DOCK3: variants seen among roughly 807,000 people sequenced by gnomAD.
The protein encoded by DOCK3 is dedicator of cytokinesis protein 3.
DOCK3 carries 60 observed loss-of-function variants against 265.6 expected under a neutral mutation model. That is an observed-to-expected ratio of 0.23 (90% CI 0.18 to 0.28). DOCK3 has a LOEUF of 0.28. Ranked by LOEUF, DOCK3 falls within the 10% of genes least tolerant of loss-of-function variation. The probability of loss-of-function intolerance (pLI) is 1.00; values close to 1 mark genes in which losing one functional copy is unlikely to be tolerated. For synonymous variants in DOCK3, 881 were observed against 938.0 expected, an observed-to-expected ratio of 0.94 and a Z score of 1.11; for missense variants, 1,981 against 2,594.3, an observed-to-expected ratio of 0.76 and a Z score of 5.14.
At chr3:50,677,592 G>A (rs2034071805) in intron 1 of DOCK3, among the ~76,000 whole-genome samples, 1 of 152,142 alleles carries the variant, frequency 6.6e-6, no homozygotes, top group South Asian at 2.1e-4. Flanking sequence ...TAATCACATA[G>A]CAAGGAGGGA....
At chr3:50,700,365 G>T (rs960355908) in intron 1 of DOCK3, among the ~76,000 whole-genome samples, 2 of 152,206 alleles carry the variant, frequency 1.3e-5, no homozygotes, top group Non-Finnish European at 2.9e-5. Flanking sequence ...CAACTGTCCA[G>T]TGCTAGAACT....
At chr3:51,175,584 G>T (rs759463528) in intron 12 of DOCK3, among the ~76,000 whole-genome samples, 2 of 152,146 alleles carry the variant, frequency 1.3e-5, no homozygotes, top group Non-Finnish European at 2.9e-5. Flanking sequence ...GCCTCCAGAG[G>T]TATAGACAGA....
intron 35 of DOCK3, among the ~76,000 whole-genome samples, chr3:51,333,926 G>A (rs1172091281): frequency 1.3e-5 from 2 of 151,198 alleles, no homozygotes; most frequent in East Asian, 1.9e-4. Context: ...CTGCAGCCTC[G>A]AAGTCCTAGG....
intron 5 of DOCK3, among the ~76,000 whole-genome samples, chr3:50,950,196 A>G (rs568087571): frequency 9.9e-5 from 15 of 152,206 alleles, no homozygotes; most frequent in Non-Finnish European, 2.1e-4. Flanking sequence ...TAAACATATT[A>G]TAAGTACCCA....
intron 5 of DOCK3, among the ~76,000 whole-genome samples, chr3:51,024,974 T>G (rs1176331012): frequency 6.6e-6 from 1 of 152,138 alleles, no homozygotes; most frequent in Non-Finnish European, 1.5e-5. Context: ...TTATTCTATC[T>G]AGAGATGGTG....
At chr3:50,742,996 G>T (rs1009395789) in intron 1 of DOCK3, among the ~76,000 whole-genome samples, 6 of 152,130 alleles carry the variant, frequency 3.9e-5, no homozygotes, top group East Asian at 1.9e-4. Flanking sequence ...CGGATCTCTC[G>T]GCAGAAACTC....
intron 10 of DOCK3, among the ~76,000 whole-genome samples, chr3:51,152,197 CT>C (rs997614046): frequency 3.3e-5 from 5 of 151,220 alleles, no homozygotes; most frequent in Admixed American, 6.6e-5. Context: ...TTTATTTTTA[CT>C]TTTTTTTTCT....
chr3:51,285,919 T>G (rs1324274098), intron 27 of DOCK3, among the ~76,000 whole-genome samples: 3 of 152,036 alleles, frequency 2.0e-5, no homozygotes, highest in Non-Finnish European at 2.9e-5. Flanking sequence ...CAGGCAACAG[T>G]GCATGACTCC....
intron 4 of DOCK3, among the ~76,000 whole-genome samples, chr3:50,907,097 T>C (rs562055458): frequency 6.6e-6 from 1 of 152,216 alleles, no homozygotes; most frequent in South Asian, 2.1e-4. Context: ...GAGTTCTAGT[T>C]TGATTGCACT....
chr3:51,198,867 A>G (rs2088498076), intron 12 of DOCK3, among the ~76,000 whole-genome samples: 3 of 152,120 alleles, frequency 2.0e-5, no homozygotes, highest in African/African-American at 7.2e-5. Context: ...TGTCTGTACT[A>G]AAAATACAAA....
At chr3:51,281,281 A>G (rs2081100939) in intron 27 of DOCK3, among the ~76,000 whole-genome samples, 2 of 118,736 alleles carry the variant, frequency 1.7e-5, no homozygotes, top group East Asian at 8.4e-4. Context: ...TAAAATATAT[A>G]TATATATATA....
At chr3:50,967,104 A>G (rs1460604619) in intron 5 of DOCK3, among the ~76,000 whole-genome samples, 1 of 152,130 alleles carries the variant, frequency 6.6e-6, no homozygotes, top group African/African-American at 2.4e-5. Context: ...CAGTCACCCT[A>G]CTGGGCTGTT....
intron 5 of DOCK3, among the ~76,000 whole-genome samples, chr3:50,983,942 A>G (rs1306918500): frequency 1.3e-5 from 2 of 151,800 alleles, no homozygotes; most frequent in Non-Finnish European, 2.9e-5. Flanking sequence ...TCCTGTTGCC[A>G]CTCTGTTCCC....
intron 1 of DOCK3, among the ~76,000 whole-genome samples, chr3:50,737,905 G>A (rs2038747687): frequency 6.6e-6 from 1 of 151,976 alleles, no homozygotes; most frequent in South Asian, 2.1e-4. Context: ...CTCTCTTTAG[G>A]GTCGGTTACT....
chr3:50,928,367 T>G (rs2050882208), intron 4 of DOCK3, among the ~76,000 whole-genome samples: 1 of 152,164 alleles, frequency 6.6e-6, no homozygotes, highest in African/African-American at 2.4e-5. Context: ...AATTTTCATA[T>G]TCTAGGTACC....
chr3:50,735,308 G>A lies in DOCK3; in HGVS notation c.38-43367G>A, dbSNP rs140778186. ...CTTTATGTTTATTCTATATGAGGTT[G>A]TTAGGGCTTCATGGATCTGGATATT... On this transcript the variant is annotated intron_variant, in intron 1 of 52. Transcript: ENST00000266037. Among the ~76,000 whole-genome samples, 847 of 152,124 alleles carry A rather than the reference G, an allele frequency of 5.6e-3. 9 individuals are homozygous for A. The highest frequency in any genetic ancestry group is 0.018 in the African/African-American group (740 of 41,494).
chr3:51,346,862 T>G (rs578064359), intron 38 of DOCK3, among the ~76,000 whole-genome samples: 1 of 152,294 alleles, frequency 6.6e-6, no homozygotes, highest in South Asian at 2.1e-4. Flanking sequence ...CTCACTGTGG[T>G]TTTGATTTGC....
chr3:50,829,312 A>G (rs1378451945), intron 2 of DOCK3, among the ~76,000 whole-genome samples: 1 of 152,156 alleles, frequency 6.6e-6, no homozygotes, highest in Non-Finnish European at 1.5e-5. Flanking sequence ...TCACTGTGTT[A>G]TTGATTTCTC....
chr3:51,041,205 T>TATATATATATA (rs1161128365), intron 5 of DOCK3, among the ~76,000 whole-genome samples: 6 of 11,176 alleles, frequency 5.4e-4, no homozygotes, highest in Non-Finnish European at 6.7e-4. Context: ...TATATATATA[T>TATATATATATA]TTTTTTTTTT....
Sources: allele counts gnomAD v4.1 joint callset (sites outside exome capture counted in the v4.1 genomes callset), GRCh38; gene constraint gnomAD v4.1.1; transcripts MANE v1.5; gene names NCBI Gene and HGNC (gene_info 2026-07-23, HGNC 2026-07-21).